The following PDK3 variants were observed in gnomAD, a reference collection of about 807,000 sequenced individuals.
PDK3 encodes pyruvate dehydrogenase kinase, isozyme 3.
In PDK3, 12 loss-of-function variants were observed where a neutral mutation model predicts 32.0. The observed-to-expected ratio is 0.37, with a 90% CI of 0.24 to 0.61. PDK3 has a LOEUF of 0.61. Ranked by LOEUF, PDK3 falls within the 20% of genes least tolerant of loss-of-function variation. The probability of loss-of-function intolerance (pLI) is 0.65; values close to 1 mark genes in which losing one functional copy is unlikely to be tolerated. For missense variants in PDK3, 188 were observed against 316.9 expected (o/e 0.59, Z 3.09); for synonymous variants, 122 against 116.3 (o/e 1.05, Z -0.31).
chrX:24,503,791 G>A (rs1161440981), intron 4 of PDK3, among the ~76,000 whole-genome samples: 2 of 112,358 alleles, frequency 1.8e-5, no homozygotes, highest in Admixed American at 9.4e-5. Flanking sequence ...ATGAGGGACC[G>A]CCTTTAATGG....
chrX:24,475,465 C>T (rs1466890849), intron 1 of PDK3, among the ~76,000 whole-genome samples: 3 of 110,400 alleles, frequency 2.7e-5, no homozygotes, highest in African/African-American at 6.6e-5. Context: ...GAGACCAGCT[C>T]GGGCAACACA....
intron 2 of PDK3, among the ~76,000 whole-genome samples, chrX:24,498,468 C>T (rs751804267): frequency 1.4e-4 from 16 of 112,199 alleles, no homozygotes; most frequent in Middle Eastern, 4.7e-3. Context: ...ATTTCTCTGC[C>T]AAAGTCCTCT....
intron 2 of PDK3, among the ~76,000 whole-genome samples, chrX:24,498,423 A>G (rs983206108): frequency 9.0e-6 from 1 of 111,402 alleles, no homozygotes; most frequent in African/African-American, 3.3e-5. Context: ...CAGGCTTCCA[A>G]TCCACACAGC....
intron 5 of PDK3, among the ~76,000 whole-genome samples, chrX:24,517,904 T>G (rs1243551436): frequency 3.6e-5 from 4 of 112,260 alleles, no homozygotes; most frequent in Non-Finnish European, 7.5e-5. Flanking sequence ...GTGTGGCTCA[T>G]GGAAATCTAT....
rs757913990 is a variant in PDK3 at position 24,503,569 on chromosome X, A to G, written c.505+58A>G. 6 of 865,213 alleles carry G rather than the reference A, an allele frequency of 6.9e-6. No individual in the cohort carries two copies. In the South Asian group the frequency reaches 2.0e-4, roughly 28 times the overall value. The allele number at this position is 865,213 out of a possible 1,213,427, so 71.3% of individuals were successfully genotyped here. ...AGGTAACCATAGTGATTTCTCCCAA[A>G]TGTTTTCCTGTTGTTAATTTACTGA... On this transcript the variant is annotated intron_variant, in intron 4 of 10. Transcript: ENST00000379162.
In PDK3 at chrX:24,490,071, C is replaced by T. The variant is rs145424846; in HGVS notation, c.107-4671C>T. Among the ~76,000 whole-genome samples, 29 of 112,077 alleles carry T rather than the reference C, an allele frequency of 2.6e-4. 1 individual carries two copies. The East Asian group carries it at 8.1e-3, about 31-fold the overall frequency. ...TATTCTGTTTGAGCATCATCAGCGT[C>T]ATTAGTGATTGCTATTTAATTAGCC... On this transcript the variant is annotated intron_variant, in intron 1 of 10. Coordinates refer to ENST00000379162, the MANE Select transcript of PDK3 (RefSeq NM_005391.5).
At position 24,503,340 on chromosome X, in the gene PDK3, C is replaced by T; in HGVS notation, c.334C>T (p.Leu112=). 1.7e-6 allele frequency: 2 copies of T among 1,200,599 alleles called. No homozygotes were observed. Among genetic ancestry groups the T allele is most frequent in the Admixed American group, 2.2e-5 (1 of 44,485 alleles). ...CCTCTCACACAGCTTTCTACAAGTT[C>T]TGATTAAAGTCAGAAATAGACACAA... ...PQVLDNFLQV[L]IKVRNRHNDV... is the part of the protein sequence containing the mutation. Residue 112 remains leucine (L), a synonymous_variant, in exon 4 of 11, where the codon CTG becomes TTG. Transcript: ENST00000379162.
intron 3 of PDK3, 144 bp downstream of exon 3, chrX:24,499,044 GTT>G (rs11326170): frequency 1.2e-3 from 335 of 287,795 alleles, no homozygotes; most frequent in Non-Finnish European, 1.2e-3. Flanking sequence ...TCAACATTGA[GTT>G]TTTTTTTTTT....
intron 5 of PDK3, 133 bp downstream of exon 5, chrX:24,505,431 G>A (rs779110942): frequency 1.4e-4 from 57 of 414,358 alleles, no homozygotes; most frequent in Middle Eastern, 6.4e-4. Flanking sequence ...CAAGCCACTG[G>A]ATCCAGATGA....
At chrX:24,538,552 G>T (rs1922825956), downstream of PDK3, among the ~76,000 whole-genome samples, 1 of 111,990 alleles carries the variant, frequency 8.9e-6, no homozygotes, top group Admixed American at 9.5e-5. Context: ...GCCATGGCGG[G>T]TGGATCACTT....
intron 4 of PDK3, 79 bp downstream of exon 4, chrX:24,503,590 A>T: frequency 4.1e-6 from 3 of 724,888 alleles, no homozygotes; most frequent in Non-Finnish European, 5.7e-6. Flanking sequence ...TTGTTAATTT[A>T]CTGACCTGCA....
chrX:24,522,253 A>G (rs983744568), intron 6 of PDK3, among the ~76,000 whole-genome samples: 5 of 111,703 alleles, frequency 4.5e-5, no homozygotes, highest in Non-Finnish European at 9.4e-5. Context: ...TACTTATTTT[A>G]TAAGTCAGCA....
At chrX:24,515,869 AT>A (rs953693189) in intron 5 of PDK3, among the ~76,000 whole-genome samples, 5 of 110,073 alleles carry the variant, frequency 4.5e-5, no homozygotes, top group Non-Finnish European at 7.6e-5. Flanking sequence ...TCTTTTAAAC[AT>A]TTTTTTTCTC....
chrX:24,478,040 A>G (rs1391828727), intron 1 of PDK3, among the ~76,000 whole-genome samples: 1 of 112,292 alleles, frequency 8.9e-6, no homozygotes, highest in Non-Finnish European at 1.9e-5. Flanking sequence ...TTCTTGATAA[A>G]TTAGTCATTG....
chrX:24,536,832 A>T (rs868137207), downstream of PDK3, among the ~76,000 whole-genome samples: 77 of 111,037 alleles, frequency 6.9e-4, no homozygotes, highest in African/African-American at 2.4e-3. Flanking sequence ...CTCTTCTTGA[A>T]TTTACAAGGA....
At chrX:24,505,958 T>C (rs752290468) in intron 5 of PDK3, among the ~76,000 whole-genome samples, 1 of 111,816 alleles carries the variant, frequency 8.9e-6, no homozygotes, top group African/African-American at 3.2e-5. Flanking sequence ...CAACCTCAGA[T>C]CCCCAAATTG....
At chrX:24,503,123 G>T (rs1392839207) in intron 3 of PDK3, among the ~76,000 whole-genome samples, 1 of 111,590 alleles carries the variant, frequency 9.0e-6, no homozygotes, top group Non-Finnish European at 1.9e-5. Context: ...CTGAAAGAAG[G>T]GTTTCTGTAG....
At chrX:24,496,910 T>G (rs1357891529) in intron 2 of PDK3, among the ~76,000 whole-genome samples, 1 of 101,739 alleles carries the variant, frequency 9.8e-6, no homozygotes, top group East Asian at 3.1e-4. Context: ...ACCTCCCAAG[T>G]AGCTGGGACT....
intron 6 of PDK3, among the ~76,000 whole-genome samples, chrX:24,525,105 C>T (rs2148200712): frequency 9.0e-6 from 1 of 111,415 alleles, no homozygotes; most frequent in East Asian, 2.8e-4. Context: ...TGCAGTGAGC[C>T]GAGATGGCGC....
Sources: gnomAD v4.1 joint callset for allele counts (sites outside exome capture counted in the v4.1 genomes callset) on GRCh38, gnomAD v4.1.1 for gene constraint, MANE v1.5 for transcripts, NCBI Gene and HGNC (gene_info 2026-07-23, HGNC 2026-07-21) for gene names.